Variants in ELAPOR2 observed in about 807,000 individuals in gnomAD.
ELAPOR2 encodes the protein endosome-lysosome associated apoptosis and autophagy regulator family member 2.
In ELAPOR2, 89 loss-of-function variants were observed where a neutral mutation model predicts 120.7. The observed-to-expected ratio is 0.74, with a 90% CI of 0.62 to 0.88. The LOEUF (loss-of-function observed/expected upper bound fraction) is 0.88, where lower values mean the gene tolerates loss of function less well. ELAPOR2 is among the 40% of genes least tolerant of loss of function. The pLI is 0.00. For missense variants in ELAPOR2, 1,134 were observed against 1,251.6 expected (o/e 0.91, Z 1.42); for synonymous variants, 444 against 444.9 (o/e 1.00, Z 0.03).
chr7:86,953,404 A>C (rs1380576694), intron 2 of ELAPOR2, among the ~76,000 whole-genome samples: 1 of 152,202 alleles, frequency 6.6e-6, no homozygotes, highest in Non-Finnish European at 1.5e-5. Flanking sequence ...ATGTCAACAG[A>C]GTTAGCACTG....
chr7:86,946,494 C>T (rs944388744), intron 3 of ELAPOR2, among the ~76,000 whole-genome samples: 2 of 152,188 alleles, frequency 1.3e-5, no homozygotes, highest in Non-Finnish European at 2.9e-5. Context: ...TCAAGTGATC[C>T]TCCTGCCTCA....
intron 20 of ELAPOR2, 151 bp from the exon 21 acceptor site, chr7:86,892,040 A>G (rs1399385223): frequency 1.1e-5 from 6 of 550,808 alleles, no homozygotes; most frequent in Non-Finnish European, 1.9e-5. Flanking sequence ...AGCCATAGCA[A>G]TATGTGTGTT....
chr7:86,906,758 A>G (rs1281068530), intron 18 of ELAPOR2, among the ~76,000 whole-genome samples: 1 of 152,078 alleles, frequency 6.6e-6, no homozygotes, highest in Non-Finnish European at 1.5e-5. Flanking sequence ...GCTGGGTGCA[A>G]TGGGTCACAC....
At chr7:87,024,042 T>C (rs928240857) in intron 1 of ELAPOR2, among the ~76,000 whole-genome samples, 1 of 152,178 alleles carries the variant, frequency 6.6e-6, no homozygotes, top group South Asian at 2.1e-4. Context: ...CTTTGCCTAA[T>C]TGAATACCCT....
At chr7:87,055,005 T>C (rs1169248871) in intron 1 of ELAPOR2, among the ~76,000 whole-genome samples, 1 of 152,212 alleles carries the variant, frequency 6.6e-6, no homozygotes, top group Non-Finnish European at 1.5e-5. Context: ...CCCTTTCATG[T>C]AGGTAAAACC....
chr7:86,900,249 C>CTAA (rs1208398359), intron 18 of ELAPOR2, among the ~76,000 whole-genome samples: 1 of 151,804 alleles, frequency 6.6e-6, no homozygotes, highest in African/African-American at 2.4e-5. Flanking sequence ...AAGGAGAAAA[C>CTAA]TAATCAAAGT....
At chr7:86,958,210 TCTGAG>T (rs1791553843) in intron 2 of ELAPOR2, among the ~76,000 whole-genome samples, 1 of 152,126 alleles carries the variant, frequency 6.6e-6, no homozygotes, top group African/African-American at 2.4e-5. Flanking sequence ...AATTTGTGAC[TCTGAG>T]CTATTGTTTT....
chr7:86,965,205 T>C (rs1341840850), intron 1 of ELAPOR2, among the ~76,000 whole-genome samples, 181 bp from the exon 2 acceptor site: 1 of 151,778 alleles, frequency 6.6e-6, no homozygotes, highest in Non-Finnish European at 1.5e-5. Flanking sequence ...AGACACAGAG[T>C]AGGTGCTGAG....
intron 3 of ELAPOR2, among the ~76,000 whole-genome samples, chr7:86,947,453 G>T (rs908266986): frequency 6.6e-6 from 1 of 152,110 alleles, no homozygotes; most frequent in African/African-American, 2.4e-5. Context: ...AAACACCAGT[G>T]GCTTAAATGT....
intron 1 of ELAPOR2, among the ~76,000 whole-genome samples, chr7:87,042,685 A>G (rs1213868243): frequency 3.9e-5 from 6 of 152,200 alleles, no homozygotes; most frequent in Non-Finnish European, 8.8e-5. Context: ...GCACCCTAAC[A>G]TCACAATTAA....
intron 21 of ELAPOR2, among the ~76,000 whole-genome samples, chr7:86,888,788 G>A (rs1799812069): frequency 6.6e-6 from 1 of 152,022 alleles, no homozygotes. Context: ...GAGGTGAATT[G>A]GAAACCCTAA....
chr7:86,938,273 G>A lies in ELAPOR2; in HGVS notation c.1001-59C>T. 4 of 1,315,762 alleles carry A rather than the reference G, an allele frequency of 3.0e-6. No homozygotes were observed. In the Admixed American group the frequency reaches 8.7e-5, roughly 29 times the overall value. 81.5% of individuals were successfully genotyped at this position (1,315,762 alleles called of 1,614,324 possible). On this transcript the variant is annotated intron_variant, in intron 7 of 21. Coordinates refer to ENST00000450689, the MANE Select transcript of ELAPOR2 (RefSeq NM_001142749.3). ...CAATTATTTTGCAACTCTAAGAAAA[G>A]GCAAAAAAGCAAAACAGAAAAAGCA...
chr7:87,050,898 T>C (rs1248564737), intron 1 of ELAPOR2, among the ~76,000 whole-genome samples: 1 of 152,176 alleles, frequency 6.6e-6, no homozygotes, highest in Non-Finnish European at 1.5e-5. Context: ...TGCAGAGTTC[T>C]AGATATGAGC....
At chr7:86,886,132 C>G (rs536377123) in intron 21 of ELAPOR2, among the ~76,000 whole-genome samples, 103 of 152,148 alleles carry the variant, frequency 6.8e-4, no homozygotes, top group African/African-American at 2.5e-3. Context: ...GTTGATAAAC[C>G]CCCAAAACAT....
intron 8 of ELAPOR2, among the ~76,000 whole-genome samples, chr7:86,930,790 C>T (rs1333047109): frequency 6.6e-6 from 1 of 151,948 alleles, no homozygotes; most frequent in Non-Finnish European, 1.5e-5. Context: ...TTTGTTAGAA[C>T]ATCACTACAT....
intron 1 of ELAPOR2, among the ~76,000 whole-genome samples, chr7:86,969,564 A>G (rs1331619105): frequency 6.6e-6 from 1 of 152,142 alleles, no homozygotes; most frequent in African/African-American, 2.4e-5. Context: ...GAGAAATTTT[A>G]AGTAAAACAT....
intron 1 of ELAPOR2, among the ~76,000 whole-genome samples, chr7:86,991,002 A>C (rs560617469): frequency 2.2e-4 from 34 of 152,352 alleles, no homozygotes; most frequent in African/African-American, 7.9e-4. Flanking sequence ...CCACTAAAAA[A>C]TTGAATTTAT....
chr7:86,988,963 T>A (rs534888530), intron 1 of ELAPOR2, among the ~76,000 whole-genome samples: 1 of 152,194 alleles, frequency 6.6e-6, no homozygotes, highest in African/African-American at 2.4e-5. Context: ...GTAAATTTAC[T>A]TTTCTTTCAT....
intron 1 of ELAPOR2, among the ~76,000 whole-genome samples, chr7:86,965,450 T>C (rs774616899): frequency 2.6e-5 from 4 of 152,204 alleles, no homozygotes; most frequent in Non-Finnish European, 5.9e-5. Flanking sequence ...TTGACCTAAT[T>C]CTCACTCTGT....
Sources: gnomAD v4.1 joint callset for allele counts (sites outside exome capture counted in the v4.1 genomes callset) on GRCh38, gnomAD v4.1.1 for gene constraint, MANE v1.5 for transcripts, NCBI Gene and HGNC (gene_info 2026-07-23, HGNC 2026-07-21) for gene names.